Variants in ADAM29 observed in about 807,000 individuals in gnomAD.
ADAM29 encodes the protein disintegrin and metalloproteinase domain-containing protein 29.
For missense variants in ADAM29, 969 were observed against 1,001.8 expected (o/e 0.97, Z 0.44); for synonymous variants, 367 against 342.3 (o/e 1.07, Z -0.80).
At chr4:174,965,711 T>G (rs1001640079) in intron 4 of ADAM29, among the ~76,000 whole-genome samples, 1 of 152,064 alleles carries the variant, frequency 6.6e-6, no homozygotes, top group African/African-American at 2.4e-5. Context: ...CTGCCTTCTT[T>G]CTGTGTCTGT....
At chr4:174,922,190 C>T (rs1743201044) in intron 2 of ADAM29, among the ~76,000 whole-genome samples, 1 of 152,164 alleles carries the variant, frequency 6.6e-6, no homozygotes, top group Non-Finnish European at 1.5e-5. Flanking sequence ...GTAACTGTCA[C>T]TATAAAGTCT....
At chr4:174,938,740 G>A (rs1042899383) in intron 4 of ADAM29, among the ~76,000 whole-genome samples, 2 of 152,164 alleles carry the variant, frequency 1.3e-5, no homozygotes. Context: ...TGTTTTATTA[G>A]GGCTGCCATT....
At chr4:174,920,063 A>ACC (rs1743082123) in intron 1 of ADAM29, among the ~76,000 whole-genome samples, 1 of 151,960 alleles carries the variant, frequency 6.6e-6, no homozygotes, top group African/African-American at 2.4e-5. Flanking sequence ...CCCTTCAACA[A>ACC]CCTCTCATTA....
At chr4:174,956,704 T>G (rs1745525707) in intron 4 of ADAM29, among the ~76,000 whole-genome samples, 1 of 151,838 alleles carries the variant, frequency 6.6e-6, no homozygotes, top group Admixed American at 6.6e-5. Flanking sequence ...GTGTTAACTC[T>G]GAATTCTCCT....
rs201250400 is a variant in ADAM29, at chr4:174,976,805, C to G, written c.1280C>G (p.Ser427Ter). Residue 427 changes from serine (S) to a stop codon, truncating the protein, a stop_gained, in exon 5 of 5, where the codon TCA becomes TGA. Coordinates refer to ENST00000359240, the MANE Select transcript of ADAM29 (RefSeq NM_014269.4). LOFTEE classifies it low-confidence loss of function (END_TRUNC). The part of the protein sequence containing the change: ...KHCAKDPCCL[S>*]NCTLTDGSTC... ...TGTGCAAAAGATCCCTGCTGTCTGT[C>G]AAATTGCACTCTGACTGATGGTTCT... 68 of 1,614,088 alleles carry G rather than the reference C, an allele frequency of 4.2e-5. No individual in the cohort carries two copies. Among genetic ancestry groups the G allele is most frequent in the Non-Finnish European group, 1.0e-5 (12 of 1,180,050 alleles).
intron 3 of ADAM29, chr4:174,931,441 A>T (rs1249997871): frequency 2.0e-5 from 3 of 152,198 alleles, no homozygotes; most frequent in African/African-American, 7.2e-5. Context: ...TTTCTTTTTG[A>T]TTCAAAATTC....
At chr4:174,932,745 A>G (rs1464633294) in intron 3 of ADAM29, among the ~76,000 whole-genome samples, 3 of 152,162 alleles carry the variant, frequency 2.0e-5, no homozygotes, top group Non-Finnish European at 4.4e-5. Flanking sequence ...TTTTGCAGTG[A>G]AAAAAGGGGA....
chr4:174,943,560 G>T lies in ADAM29; in HGVS notation c.-181+6547G>T, dbSNP rs375488889. ...GATCATCGCTTTCCATCAACCATCAGGTCTCTGAGAATCCACTATCATGAG... is the reference window on the plus strand; with the variant it reads ...GATCATCGCTTTCCATCAACCATCATGTCTCTGAGAATCCACTATCATGAG... On this transcript the variant is annotated intron_variant, in intron 4 of 4. Coordinates refer to ENST00000359240, the MANE Select transcript of ADAM29 (RefSeq NM_014269.4). Among the ~76,000 whole-genome samples, 18 of 152,178 alleles carry T rather than the reference G, an allele frequency of 1.2e-4. No individual in the cohort carries two copies. In the East Asian group the frequency reaches 1.7e-3, roughly 15 times the overall value.
intron 4 of ADAM29, among the ~76,000 whole-genome samples, chr4:174,966,709 T>C (rs557152666): frequency 6.6e-6 from 1 of 152,320 alleles, no homozygotes; most frequent in South Asian, 2.1e-4. Flanking sequence ...CAAGGATTTG[T>C]GGGGCCTGGT....
chr4:174,960,884 G>A lies in ADAM29; in HGVS notation c.-180-14462G>A, dbSNP rs1579064062. 2.0e-5 allele frequency among the ~76,000 whole-genome samples: 3 copies of A among 152,270 alleles called. 1 individual carries two copies. Among genetic ancestry groups the A allele is most frequent in the African/African-American group, 7.2e-5 (3 of 41,556 alleles). ...AGACCAGTTTTCCCTGAAGACAGGA[G>A]ATTCATAGCAACCAATCAAAAAGAG... On this transcript the variant is annotated intron_variant, in intron 4 of 4. Transcript: ENST00000359240.
In ADAM29 at chr4:174,923,525, GTATATAT is replaced by G. The variant is rs1743296280; in HGVS notation, c.-451+2734_-451+2740del. 6.9e-4 allele frequency among the ~76,000 whole-genome samples: 67 copies of G among 96,686 alleles called. 2 individuals carry two copies. Among genetic ancestry groups the G allele is most frequent in the South Asian group, 2.9e-3 (9 of 3,114 alleles). The allele number at this position is 96,686 out of a possible 152,430, so 63.4% of individuals were successfully genotyped here. On this transcript the variant is annotated intron_variant, in intron 2 of 4. Coordinates refer to ENST00000359240, the MANE Select transcript of ADAM29 (RefSeq NM_014269.4). ...ATCCCCTATATACTGTGCATTATAT[GTATATAT>G]ATATATATATATATATATATATATA...
chr4:174,956,230 C>T (rs1013357899), intron 4 of ADAM29, among the ~76,000 whole-genome samples: 2 of 152,002 alleles, frequency 1.3e-5, no homozygotes, highest in African/African-American at 2.4e-5. Context: ...TAAGCACATA[C>T]CTTTCCCATT....
In ADAM29 at chr4:174,918,452, A is replaced by G. The variant is rs1742986437; in HGVS notation, c.-576A>G. On this transcript the variant is annotated 5_prime_UTR_variant, in exon 1 of 5. Coordinates refer to ENST00000359240, the MANE Select transcript of ADAM29 (RefSeq NM_014269.4). ...GCCTGTTCCTGCACATTTCCTGAGG[A>G]CGCCCTCGATCACAAGCAGGTTATA... 1 of 152,188 alleles carries G rather than the reference A, an allele frequency of 6.6e-6. No homozygotes were observed. Among genetic ancestry groups the G allele is most frequent in the African/African-American group, 2.4e-5 (1 of 41,426 alleles). The allele number at this position is 152,188 out of a possible 1,614,324, so 9.4% of individuals were successfully genotyped here. A position where few individuals can be genotyped will look rare whatever the true frequency, so the allele number is the denominator to read the frequency against.
intron 2 of ADAM29, among the ~76,000 whole-genome samples, chr4:174,925,365 G>A (rs1320273471): frequency 1.7e-5 from 2 of 118,064 alleles, no homozygotes; most frequent in African/African-American, 5.7e-5. Flanking sequence ...TGCTATCTTT[G>A]CATTTTTTTT....
intron 2 of ADAM29, among the ~76,000 whole-genome samples, chr4:174,923,525 G>GTGTATATATATATATATA (rs1447408794): frequency 5.2e-5 from 5 of 96,668 alleles, no homozygotes; most frequent in Admixed American, 1.3e-4. Context: ...TGCATTATAT[G>GTGTATATATATATATATA]TATATATATA....
At chr4:174,957,532 T>C (rs1278633654) in intron 4 of ADAM29, among the ~76,000 whole-genome samples, 1 of 151,828 alleles carries the variant, frequency 6.6e-6, no homozygotes, top group Non-Finnish European at 1.5e-5. Context: ...CCAGTTTCTG[T>C]GTATCTAGGA....
intron 3 of ADAM29, among the ~76,000 whole-genome samples, chr4:174,932,484 AG>A (rs1425199081): frequency 6.6e-6 from 1 of 152,098 alleles, no homozygotes; most frequent in East Asian, 1.9e-4. Flanking sequence ...AGGCCTCACA[AG>A]CTCCCTCAGG....
intron 2 of ADAM29, among the ~76,000 whole-genome samples, chr4:174,925,748 C>T (rs776758163): frequency 5.5e-4 from 83 of 152,158 alleles, no homozygotes; most frequent in Non-Finnish European, 1.1e-3. Flanking sequence ...AAGACTTGTG[C>T]TCCTGAGAAA....
At chr4:174,918,585 G>T (rs4441735) in intron 1 of ADAM29, 114 bp downstream of exon 1, 61,200 of 151,912 alleles carry the variant, frequency 0.4, 13,776 homozygotes, top group East Asian at 0.69. Context: ...TGTTTAGGCT[G>T]AACCTATCAG....
Sources: allele counts gnomAD v4.1 joint callset (sites outside exome capture counted in the v4.1 genomes callset), GRCh38; gene constraint gnomAD v4.1.1; transcripts MANE v1.5; gene names NCBI Gene and HGNC (gene_info 2026-07-23, HGNC 2026-07-21).